NLGN4Y: variants seen among roughly 807,000 people sequenced by gnomAD.
NLGN4Y encodes the protein neuroligin 4 Y-linked.
In NLGN4Y, 4 loss-of-function variants were observed where a neutral mutation model predicts 8.4. The observed-to-expected ratio is 0.48, with a 90% CI of 0.23 to 1.09. NLGN4Y has a LOEUF of 1.09. Among genes scored for constraint, NLGN4Y ranks in the 50% least tolerant of loss-of-function variants. NLGN4Y has a pLI of 0.19. For synonymous variants in NLGN4Y, 35 were observed against 75.6 expected, an observed-to-expected ratio of 0.46 and a Z score of 2.78; for missense variants, 90 against 192.3, an observed-to-expected ratio of 0.47 and a Z score of 3.15.
At chrY:14,661,856 C>T (rs1040814274) in intron 2 of NLGN4Y, among the ~76,000 whole-genome samples, 8 of 33,375 alleles carry the variant, frequency 2.4e-4, no homozygotes, top group Non-Finnish European at 3.7e-4. Flanking sequence ...CTGGAATAAG[C>T]CATGTGGCCA....
At chrY:14,624,393 C>T (rs920742691) in intron 2 of NLGN4Y, among the ~76,000 whole-genome samples, 1 of 33,347 alleles carries the variant, frequency 3.0e-5, no homozygotes, top group Admixed American at 2.7e-4. Context: ...AGACCACAAA[C>T]AGGGTGGACG....
At chrY:14,839,623 C>T in intron 6 of NLGN4Y, among the ~76,000 whole-genome samples, 1 of 33,416 alleles carries the variant, frequency 3.0e-5, no homozygotes. Context: ...TTCATCTTTT[C>T]TGGACTCTGT....
chrY:14,582,112 C>T, intron 1 of NLGN4Y, among the ~76,000 whole-genome samples: 1 of 33,191 alleles, frequency 3.0e-5, no homozygotes, highest in Non-Finnish European at 7.4e-5. Context: ...GCAGGACTTA[C>T]TCACTGGCTG....
chrY:14,696,263 G>A (rs541614346), intron 2 of NLGN4Y, among the ~76,000 whole-genome samples: 8 of 32,770 alleles, frequency 2.4e-4, no homozygotes, highest in Admixed American at 2.2e-3. Flanking sequence ...ATGGCTTATC[G>A]GGTCCTTCCA....
chrY:14,768,598 T>A, intron 4 of NLGN4Y, among the ~76,000 whole-genome samples: 1 of 32,755 alleles, frequency 3.1e-5, no homozygotes, highest in Admixed American at 2.9e-4. Context: ...TCAGGTGGTC[T>A]GCAAAAGCCG....
intron 2 of NLGN4Y, among the ~76,000 whole-genome samples, chrY:14,707,091 G>GTA (rs1460684278): frequency 8.8e-3 from 34 of 3,865 alleles, no homozygotes; most frequent in East Asian, 0.027. Context: ...AATTTTATGT[G>GTA]TATATATATA....
intron 1 of NLGN4Y, among the ~76,000 whole-genome samples, chrY:14,592,133 T>A (rs2080374317): frequency 3.1e-5 from 1 of 32,064 alleles, no homozygotes; most frequent in Non-Finnish European, 7.6e-5. Context: ...GGTGATTGTA[T>A]GAGGTTTCCA....
At chrY:14,701,828 C>G in intron 2 of NLGN4Y, among the ~76,000 whole-genome samples, 1 of 32,676 alleles carries the variant, frequency 3.1e-5, no homozygotes, top group African/African-American at 1.2e-4. Flanking sequence ...GAACTCATAA[C>G]ATATTGGCAG....
At chrY:14,702,207 AACG>A (rs2080850761) in intron 2 of NLGN4Y, among the ~76,000 whole-genome samples, 2 of 32,283 alleles carry the variant, frequency 6.2e-5, no homozygotes. Context: ...ACATGTGCAC[AACG>A]TGCAGGTTAG....
At chrY:14,560,542 T>C (rs2080223915) in intron 1 of NLGN4Y, among the ~76,000 whole-genome samples, 1 of 33,463 alleles carries the variant, frequency 3.0e-5, no homozygotes, top group Non-Finnish European at 7.4e-5. Flanking sequence ...ATCAGCCAAC[T>C]GGCCTCAGTA....
chrY:14,604,091 G>A (rs2080438285), intron 1 of NLGN4Y, among the ~76,000 whole-genome samples: 1 of 32,825 alleles, frequency 3.0e-5, no homozygotes, highest in Non-Finnish European at 7.5e-5. Context: ...TGGAGCTGCC[G>A]AGATGTTGAG....
intron 4 of NLGN4Y, among the ~76,000 whole-genome samples, chrY:14,743,836 C>T (rs942859819): frequency 3.0e-5 from 1 of 33,341 alleles, no homozygotes; most frequent in Non-Finnish European, 7.4e-5. Flanking sequence ...CACACCTAAG[C>T]CACAGGCTGA....
chrY:14,689,785 C>T, intron 2 of NLGN4Y, among the ~76,000 whole-genome samples: 8 of 33,098 alleles, frequency 2.4e-4, no homozygotes, highest in African/African-American at 8.2e-4. Context: ...GAGAATTCAT[C>T]AGAGAAGTTT....
chrY:14,705,187 G>A (rs2080872552), intron 2 of NLGN4Y, among the ~76,000 whole-genome samples: 1 of 32,594 alleles, frequency 3.1e-5, no homozygotes, highest in Non-Finnish European at 7.5e-5. Context: ...TATCCACAGC[G>A]ATAAACTATT....
At chrY:14,574,985 G>C in intron 1 of NLGN4Y, among the ~76,000 whole-genome samples, 1 of 33,556 alleles carries the variant, frequency 3.0e-5, no homozygotes, top group Non-Finnish European at 7.3e-5. Flanking sequence ...GCTTCCCTTT[G>C]TGGGTAACCC....
At chrY:14,589,669 C>G (rs1013128856) in intron 1 of NLGN4Y, among the ~76,000 whole-genome samples, 1 of 34,208 alleles carries the variant, frequency 2.9e-5, no homozygotes, top group Non-Finnish European at 7.3e-5. Flanking sequence ...CCCTGAGCTA[C>G]ATATAAAGAT....
At chrY:14,778,075 A>ATAAC (rs2081133879) in intron 4 of NLGN4Y, among the ~76,000 whole-genome samples, 16 of 30,892 alleles carry the variant, frequency 5.2e-4, no homozygotes, top group African/African-American at 1.3e-3. Flanking sequence ...AAATAAATAA[A>ATAAC]TAACTATGTA....
At chrY:14,675,567 T>C in intron 2 of NLGN4Y, among the ~76,000 whole-genome samples, 1 of 32,766 alleles carries the variant, frequency 3.1e-5, no homozygotes, top group Non-Finnish European at 7.5e-5. Flanking sequence ...ATATCTGAGA[T>C]CTTAGTGTTG....
At chrY:14,663,851 G>T (rs895106338) in intron 2 of NLGN4Y, among the ~76,000 whole-genome samples, 19 of 32,673 alleles carry the variant, frequency 5.8e-4, no homozygotes, top group Non-Finnish European at 9.0e-4. Flanking sequence ...ATGTTTTGGG[G>T]TTTTTTCTTT....
Sources: gnomAD v4.1 joint callset for allele counts (sites outside exome capture counted in the v4.1 genomes callset) on GRCh38, gnomAD v4.1.1 for gene constraint, MANE v1.5 for transcripts, NCBI Gene and HGNC (gene_info 2026-07-23, HGNC 2026-07-21) for gene names.